KALRN: variants seen among roughly 807,000 people sequenced by gnomAD.
The protein encoded by KALRN is kalirin RhoGEF kinase.
A neutral mutation model predicts 353.7 loss-of-function variants in KALRN; 70 were observed. The ratio of observed to expected loss-of-function variants is 0.20; its 90% CI spans 0.16 to 0.24. The LOEUF (loss-of-function observed/expected upper bound fraction) is 0.24. Among genes scored for constraint, KALRN ranks in the 10% least tolerant of loss-of-function variants. KALRN has a pLI of 1.00. For missense variants in KALRN, 2,791 were observed against 3,756.7 expected (o/e 0.74, Z 6.72); for synonymous variants, 1,391 against 1,434.8 (o/e 0.97, Z 0.69).
intron 3 of KALRN, among the ~76,000 whole-genome samples, chr3:124,242,395 AG>A (rs1322170491): frequency 6.6e-6 from 1 of 152,266 alleles, no homozygotes; most frequent in Non-Finnish European, 1.5e-5. Context: ...GCACACAGTC[AG>A]TATGATCTGG....
intron 1 of KALRN, among the ~76,000 whole-genome samples, chr3:124,057,826 A>G (rs948340503): frequency 1.3e-5 from 2 of 152,202 alleles, no homozygotes; most frequent in African/African-American, 4.8e-5. Context: ...TTTATTCCCT[A>G]AGCCTGGGGT....
intron 1 of KALRN, among the ~76,000 whole-genome samples, chr3:124,121,514 A>G (rs1020225065): frequency 8.5e-5 from 13 of 152,086 alleles, no homozygotes; most frequent in Admixed American, 3.9e-4. Flanking sequence ...TGTGTTATTT[A>G]TTTCTCTCTC....
intron 33 of KALRN, among the ~76,000 whole-genome samples, chr3:124,532,143 G>A (rs186992210): frequency 1.3e-5 from 2 of 152,280 alleles, no homozygotes; most frequent in Non-Finnish European, 2.9e-5. Flanking sequence ...ATGCATGGTA[G>A]GGAAGTGAAC....
intron 59 of KALRN, 95 bp downstream of exon 59, chr3:124,717,480 A>C: frequency 1.4e-6 from 1 of 739,848 alleles, no homozygotes; most frequent in Admixed American, 2.9e-5. Flanking sequence ...AGGTCAGGAG[A>C]TCGAGACCAT....
chr3:124,582,674 C>T (rs1350763936), intron 34 of KALRN, among the ~76,000 whole-genome samples: 1 of 151,618 alleles, frequency 6.6e-6, no homozygotes, highest in Non-Finnish European at 1.5e-5. Context: ...CATATAAATG[C>T]TCAATAAATG....
intron 5 of KALRN, among the ~76,000 whole-genome samples, chr3:124,294,215 T>C (rs1240032920): frequency 1.3e-5 from 2 of 151,986 alleles, no homozygotes; most frequent in African/African-American, 4.8e-5. Flanking sequence ...AGCTAACTTT[T>C]AGGGATAACT....
intron 1 of KALRN, among the ~76,000 whole-genome samples, chr3:124,035,619 G>A (rs1055007856): frequency 1.3e-5 from 2 of 152,226 alleles, no homozygotes; most frequent in Non-Finnish European, 2.9e-5. Flanking sequence ...GCAGAGCTCA[G>A]TTCCTGGAGG....
intron 10 of KALRN, among the ~76,000 whole-genome samples, chr3:124,376,354 C>T (rs529273448): frequency 1.8e-4 from 27 of 152,286 alleles, no homozygotes; most frequent in African/African-American, 5.3e-4. Flanking sequence ...TTCCCTTATT[C>T]AGGGCACCTA....
chr3:124,584,597 T>G, intron 34 of KALRN: 2 of 1,388,006 alleles, frequency 1.4e-6, no homozygotes, highest in Non-Finnish European at 1.9e-6. Flanking sequence ...AGCTGGACCT[T>G]GGAACTCCGC....
At chr3:124,396,893 C>T (rs2090234919) in intron 12 of KALRN, among the ~76,000 whole-genome samples, 2 of 152,202 alleles carry the variant, frequency 1.3e-5, no homozygotes, top group African/African-American at 4.8e-5. Flanking sequence ...AGCCTAGGCT[C>T]CCCTCCCTGA....
chr3:124,233,480 C>T lies in KALRN; in HGVS notation c.149-1349C>T, dbSNP rs6780971. On this transcript the variant is annotated intron_variant, in intron 2 of 59. Coordinates refer to ENST00000682506, the MANE Select transcript of KALRN (RefSeq NM_001388419.1). Reference sequence around the variant, plus strand: ...TGTATGAATCTGCCCTGAGTGGGGGCGCTGGGCAGTGGTGGTGGTGCTGAA... The same window carrying T: ...TGTATGAATCTGCCCTGAGTGGGGGTGCTGGGCAGTGGTGGTGGTGCTGAA... Among the ~76,000 whole-genome samples the T allele has an allele frequency of 2.5e-3, 380 of 152,218 alleles. 1 individual carries two copies. The highest frequency in any genetic ancestry group is 8.1e-3 in the African/African-American group (335 of 41,550).
chr3:124,155,400 T>A (rs1263193537), intron 1 of KALRN, among the ~76,000 whole-genome samples: 1 of 152,216 alleles, frequency 6.6e-6, no homozygotes, highest in Non-Finnish European at 1.5e-5. Flanking sequence ...CACCAAGTAG[T>A]TGATACTACC....
At chr3:124,424,887 C>A (rs2092946787) in intron 15 of KALRN, among the ~76,000 whole-genome samples, 1 of 152,134 alleles carries the variant, frequency 6.6e-6, no homozygotes, top group Non-Finnish European at 1.5e-5. Flanking sequence ...GGTTAGTGCT[C>A]CCCAAGGCCT....
At chr3:124,700,177 T>C (rs1559867385) in intron 56 of KALRN, 144 bp downstream of exon 56, 2 of 799,718 alleles carry the variant, frequency 2.5e-6, no homozygotes, top group Admixed American at 5.2e-5. Flanking sequence ...TTCTGTAAAG[T>C]ATAGCTCCAA....
chr3:124,494,487 A>G (rs6789848), intron 32 of KALRN, among the ~76,000 whole-genome samples: 1,834 of 152,354 alleles, frequency 0.012, 40 homozygotes, highest in African/African-American at 0.042. Flanking sequence ...CAGATAATCC[A>G]AAACAACAGA....
At chr3:124,405,992 T>C (rs953803715) in intron 13 of KALRN, among the ~76,000 whole-genome samples, 1 of 152,174 alleles carries the variant, frequency 6.6e-6, no homozygotes, top group African/African-American at 2.4e-5. Context: ...GAACATAAAA[T>C]TGGCCATAAA....
intron 21 of KALRN, among the ~76,000 whole-genome samples, chr3:124,451,634 ACGTG>A (rs2058794915): frequency 1.3e-5 from 2 of 152,218 alleles, no homozygotes; most frequent in African/African-American, 4.8e-5. Flanking sequence ...ATGTATGGCC[ACGTG>A]TGGAAATAAA....
rs899798353 is a variant in KALRN at position 124,725,958 on chromosome 3, A to G, written c.*6488A>G. On this transcript the variant is annotated 3_prime_UTR_variant, in exon 60 of 60. Coordinates refer to ENST00000682506, the MANE Select transcript of KALRN (RefSeq NM_001388419.1). Reference sequence around the variant, plus strand: ...ACATACTTCCATCAGGCTTGTAACAATTGATTTAAAATCACTCCACAGTAT... The same window carrying G: ...ACATACTTCCATCAGGCTTGTAACAGTTGATTTAAAATCACTCCACAGTAT... 2 of 152,222 alleles carry G rather than the reference A, an allele frequency of 1.3e-5. No individual in the cohort carries two copies. The highest frequency in any genetic ancestry group is 3.8e-4 in the East Asian group (2 of 5,200). 9.4% of individuals were successfully genotyped at this position (152,222 alleles called of 1,614,324 possible). A position where few individuals can be genotyped will look rare whatever the true frequency, so the allele number is the denominator to read the frequency against.
chr3:124,135,348 T>G (rs532525201), intron 1 of KALRN, among the ~76,000 whole-genome samples: 23 of 152,154 alleles, frequency 1.5e-4, no homozygotes, highest in Non-Finnish European at 3.2e-4. Flanking sequence ...GGCATAAGAA[T>G]GATACAGTGG....
Sources: gnomAD v4.1 joint callset for allele counts (sites outside exome capture counted in the v4.1 genomes callset) on GRCh38, gnomAD v4.1.1 for gene constraint, MANE v1.5 for transcripts, NCBI Gene and HGNC (gene_info 2026-07-23, HGNC 2026-07-21) for gene names.